LPP: variants seen among roughly 807,000 people sequenced by gnomAD.
LPP encodes LIM domain containing preferred translocation partner in lipoma.
LPP carries 38 observed loss-of-function variants against 60.4 expected under a neutral mutation model. The ratio of observed to expected loss-of-function variants is 0.63; its 90% CI spans 0.49 to 0.83. The LOEUF (loss-of-function observed/expected upper bound fraction) is 0.83, where lower values mean the gene tolerates loss of function less well. Ranked by LOEUF, LPP falls within the 40% of genes least tolerant of loss-of-function variation. The probability of loss-of-function intolerance (pLI) is 0.00; values close to 1 mark genes in which losing one functional copy is unlikely to be tolerated. For missense variants in LPP, 902 were observed against 783.6 expected (o/e 1.15, Z -1.80); for synonymous variants, 328 against 290.8 (o/e 1.13, Z -1.30).
chr3:188,883,182 T>C lies in LPP; in HGVS notation c.*8703T>C. The C allele has an allele frequency of 4.6e-6, 1 of 218,242 alleles. No homozygotes were observed. The highest frequency in any genetic ancestry group is 5.8e-5 in the Admixed American group (1 of 17,284). 13.5% of individuals were successfully genotyped at this position (218,242 alleles called of 1,614,324 possible). ...TGATACAGTGTTGCTTCCCCCCTCC[T>C]TTTCCTTCCATATATATTTGTTTTG... On this transcript the variant is annotated 3_prime_UTR_variant, in exon 12 of 12. Transcript: ENST00000617246.
At chr3:188,497,597 C>A (rs1414885523) in intron 5 of LPP, among the ~76,000 whole-genome samples, 1 of 152,148 alleles carries the variant, frequency 6.6e-6, no homozygotes, top group African/African-American at 2.4e-5. Flanking sequence ...ATACGCACTT[C>A]AGAGTGAAAG....
chr3:188,846,165 G>A (rs1761340162), intron 9 of LPP, among the ~76,000 whole-genome samples: 1 of 152,182 alleles, frequency 6.6e-6, no homozygotes, highest in Non-Finnish European at 1.5e-5. Flanking sequence ...GTGGAGACAA[G>A]CACGTATACA....
chr3:188,278,075 T>C (rs1740622405), intron 2 of LPP, among the ~76,000 whole-genome samples: 1 of 152,238 alleles, frequency 6.6e-6, no homozygotes, highest in South Asian at 2.1e-4. Context: ...TTTGCATTTA[T>C]TACACACGTA....
chr3:188,818,737 G>C (rs1379734281), intron 9 of LPP, among the ~76,000 whole-genome samples: 2 of 152,078 alleles, frequency 1.3e-5, no homozygotes, highest in Non-Finnish European at 2.9e-5. Context: ...CCTCTCCGAG[G>C]CTCAGTTTCT....
chr3:188,772,802 G>T (rs577974037), intron 9 of LPP, among the ~76,000 whole-genome samples: 58 of 152,166 alleles, frequency 3.8e-4, no homozygotes, highest in African/African-American at 1.4e-3. Context: ...TTGCTGCTCT[G>T]ATAGTGAGGG....
At chr3:188,462,560 A>C (rs1799280169) in intron 4 of LPP, among the ~76,000 whole-genome samples, 1 of 41,510 alleles carries the variant, frequency 2.4e-5, no homozygotes, top group African/African-American at 8.0e-5. Context: ...ATATATATAT[A>C]TATATATATA....
At chr3:188,561,955 T>C (rs550960403) in intron 6 of LPP, among the ~76,000 whole-genome samples, 1 of 152,096 alleles carries the variant, frequency 6.6e-6, no homozygotes, top group East Asian at 1.9e-4. Flanking sequence ...TTGCAGCGCA[T>C]GGACTTGTGA....
rs1877547 is a variant in LPP, at chr3:188,866,398, G to C, written c.1589+20G>C. 2.1e-6 allele frequency: 3 copies of C among 1,422,150 alleles called. No individual in the cohort carries two copies. Among genetic ancestry groups the C allele is most frequent in the Non-Finnish European group, 2.8e-6 (3 of 1,073,048 alleles). 88.1% of individuals were successfully genotyped at this position (1,422,150 alleles called of 1,614,324 possible). A position where few individuals can be genotyped will look rare whatever the true frequency, so the allele number is the denominator to read the frequency against. ...CCACAAGTAGGCAACCTACTCTCTC[G>C]TCACCACCCTGCCAGTCCTTTTGGA... On this transcript the variant is annotated intron_variant, in intron 10 of 11. Transcript: ENST00000617246.
At chr3:188,338,019 G>A (rs1202197697) in intron 2 of LPP, among the ~76,000 whole-genome samples, 6 of 152,152 alleles carry the variant, frequency 3.9e-5, no homozygotes, top group Non-Finnish European at 8.8e-5. Flanking sequence ...CATTGATAGA[G>A]CCCTTATAAA....
intron 1 of LPP, among the ~76,000 whole-genome samples, chr3:188,213,478 C>T (rs1712122256): frequency 1.3e-5 from 2 of 152,092 alleles, no homozygotes; most frequent in East Asian, 1.9e-4. Context: ...TTAAGCTGCC[C>T]CCTCTATTGC....
chr3:188,660,983 C>T (rs12488441), intron 7 of LPP, among the ~76,000 whole-genome samples: 136,934 of 152,146 alleles, frequency 0.9, 62,554 homozygotes, highest in Non-Finnish European at 0.98. Flanking sequence ...TAAGAATTAT[C>T]CTTGCTCTGC....
intron 1 of LPP, among the ~76,000 whole-genome samples, chr3:188,222,228 GATAAA>G (rs967055282): frequency 5.3e-5 from 8 of 151,968 alleles, no homozygotes; most frequent in East Asian, 3.8e-4. Context: ...TTTTTCAAAT[GATAAA>G]ATAAATGAGT....
chr3:188,679,899 C>T (rs1414915554), intron 7 of LPP, among the ~76,000 whole-genome samples: 1 of 152,100 alleles, frequency 6.6e-6, no homozygotes, highest in Non-Finnish European at 1.5e-5. Flanking sequence ...CCCAGGCTGT[C>T]AGCGGCCATC....
intron 9 of LPP, among the ~76,000 whole-genome samples, chr3:188,781,798 A>G (rs1021766604): frequency 6.6e-6 from 1 of 151,384 alleles, no homozygotes; most frequent in African/African-American, 2.4e-5. Context: ...AGGCTGAGGC[A>G]GGAGAATCAC....
chr3:188,497,772 A>T (rs940213921), intron 5 of LPP, among the ~76,000 whole-genome samples: 3 of 152,192 alleles, frequency 2.0e-5, no homozygotes, highest in African/African-American at 7.2e-5. Context: ...AAGCCATTTT[A>T]TAAGTAGAGA....
At chr3:188,592,546 G>GTTTTTTTTTTTTTTTTTTTTTTTTTT (rs1553936323) in intron 6 of LPP, among the ~76,000 whole-genome samples, 1 of 98,376 alleles carries the variant, frequency 1.0e-5, no homozygotes, top group Admixed American at 1.0e-4. Context: ...ACTGTTTTTA[G>GTTTTTTTTTTTTTTTTTTTTTTTTTT]TTTTGTTTTT....
At chr3:188,783,870 T>TCAGTAAAGGGTGATCATG (rs1740662505) in intron 9 of LPP, among the ~76,000 whole-genome samples, 1 of 12,386 alleles carries the variant, frequency 8.1e-5, no homozygotes, top group Non-Finnish European at 1.3e-4. Flanking sequence ...ACTTGATATC[T>TCAGTAAAGGGTGATCATG]CATTCTTACA....
At chr3:188,810,619 GA>G (rs1391251075) in intron 9 of LPP, among the ~76,000 whole-genome samples, 1 of 151,958 alleles carries the variant, frequency 6.6e-6, no homozygotes, top group Non-Finnish European at 1.5e-5. Context: ...GTATGTATAG[GA>G]AAAAACAGTA....
intron 5 of LPP, among the ~76,000 whole-genome samples, chr3:188,503,509 C>G (rs1812537128): frequency 6.6e-6 from 1 of 152,080 alleles, no homozygotes; most frequent in Admixed American, 6.6e-5. Flanking sequence ...GCCTATTTGC[C>G]TTTTCTGACA....
Sources: allele counts gnomAD v4.1 joint callset (sites outside exome capture counted in the v4.1 genomes callset), GRCh38; gene constraint gnomAD v4.1.1; transcripts MANE v1.5; gene names NCBI Gene and HGNC (gene_info 2026-07-23, HGNC 2026-07-21).